The following CTNND2 variants were observed in gnomAD, a reference collection of about 807,000 sequenced individuals.
CTNND2 encodes catenin delta 2, also known as catenin delta-2.
CTNND2 carries 22 observed loss-of-function variants against 144.4 expected under a neutral mutation model. The ratio of observed to expected loss-of-function variants is 0.15; its 90% CI spans 0.11 to 0.22. The LOEUF (loss-of-function observed/expected upper bound fraction) is 0.22. Ranked by LOEUF, CTNND2 falls within the 10% of genes least tolerant of loss-of-function variation. The pLI, the probability that CTNND2 is intolerant of heterozygous loss-of-function variation, is 1.00. For synonymous variants in CTNND2, 751 were observed against 695.6 expected (o/e 1.08, Z -1.25); for missense variants, 1,353 against 1,618.8 (o/e 0.84, Z 2.82).
intron 1 of CTNND2, among the ~76,000 whole-genome samples, chr5:11,741,943 C>G (rs893168838): frequency 1.5e-4 from 23 of 151,420 alleles, no homozygotes; most frequent in African/African-American, 5.3e-4. Context: ...AGTGAAGTAA[C>G]TCAGGAATGG....
At chr5:11,134,202 G>C (rs1384302024) in intron 12 of CTNND2, among the ~76,000 whole-genome samples, 2 of 152,082 alleles carry the variant, frequency 1.3e-5, no homozygotes, top group Non-Finnish European at 2.9e-5. Context: ...AAGGAAGGGA[G>C]CAATGAGCCA....
rs1240710477 is a variant in CTNND2 at position 11,903,994 on chromosome 5, C to A, written c.-141G>T. The A allele has an allele frequency of 2.9e-6, 3 of 1,029,498 alleles. No homozygotes were observed. Among genetic ancestry groups the A allele is most frequent in the African/African-American group, 1.7e-5 (1 of 59,148 alleles). 63.8% of individuals were successfully genotyped at this position (1,029,498 alleles called of 1,614,324 possible). A position where few individuals can be genotyped will look rare whatever the true frequency, so the allele number is the denominator to read the frequency against. On this transcript the variant is annotated 5_prime_UTR_variant, in exon 1 of 22. Transcript: ENST00000304623. The surrounding 1 kb of genome is among the most constrained non-coding windows in gnomAD (Gnocchi z 5.4). The stretch of plus-strand genomic sequence containing the variant: ...GAGCGCGGCCGCGGGACAAGGGATG[C>A]TGGCGGGCGGCAGGGGCGAGCGCCG...
rs542117267 is a variant in CTNND2 at position 11,134,322 on chromosome 5, G to A, written c.2160-16755C>T. ...TCTGAATTTAGCCAGCAACCTGAAC[G>A]ATCCTGGATACAGGCTCTTCTGTGC... On this transcript the variant is annotated intron_variant, in intron 12 of 21. Coordinates refer to ENST00000304623, the MANE Select transcript of CTNND2 (RefSeq NM_001332.4). Among the ~76,000 whole-genome samples, 67 of 152,276 alleles carry A rather than the reference G, an allele frequency of 4.4e-4. 1 individual carries two copies. Among genetic ancestry groups the A allele is most frequent in the African/African-American group, 1.5e-3 (62 of 41,558 alleles).
intron 14 of CTNND2, among the ~76,000 whole-genome samples, chr5:11,101,306 G>T (rs185258226): frequency 9.9e-5 from 15 of 152,276 alleles, no homozygotes; most frequent in African/African-American, 3.4e-4. Flanking sequence ...GACGTATTCT[G>T]TAAGACTTGG....
At chr5:11,889,075 C>CT (rs1736774053) in intron 1 of CTNND2, among the ~76,000 whole-genome samples, 1 of 152,064 alleles carries the variant, frequency 6.6e-6, no homozygotes, top group South Asian at 2.1e-4. Flanking sequence ...AAATAGAAAC[C>CT]TTTTCACGGC....
At chr5:11,435,103 TTTTC>T (rs1415355508) in intron 3 of CTNND2, among the ~76,000 whole-genome samples, 1 of 149,460 alleles carries the variant, frequency 6.7e-6, no homozygotes, top group Non-Finnish European at 1.5e-5. Flanking sequence ...TTAGCAAACG[TTTTC>T]TTTTTTACTA....
At position 11,128,383 on chromosome 5, in the gene CTNND2, G is replaced by A. The variant is rs1338626450; in HGVS notation, c.2160-10816C>T. ...GCAGTAGCTTGGATTCTTCCCCAGA[G>A]CTGCTAGTAAGGAGAACGATCCCAC... On this transcript the variant is annotated intron_variant, in intron 12 of 21. Coordinates refer to ENST00000304623, the MANE Select transcript of CTNND2 (RefSeq NM_001332.4). Among the ~76,000 whole-genome samples the A allele has an allele frequency of 6.6e-5, 10 of 152,096 alleles. 1 individual carries two copies. Among genetic ancestry groups the A allele is most frequent in the Admixed American group, 5.9e-4 (9 of 15,256 alleles).
chr5:11,226,612 C>T (rs1412259948), intron 10 of CTNND2, among the ~76,000 whole-genome samples: 1 of 152,170 alleles, frequency 6.6e-6, no homozygotes, highest in Non-Finnish European at 1.5e-5. Context: ...GGGAAACTCC[C>T]CTTTATAAAA....
intron 9 of CTNND2, among the ~76,000 whole-genome samples, chr5:11,280,414 C>A (rs1320122123): frequency 6.6e-6 from 1 of 152,200 alleles, no homozygotes; most frequent in Non-Finnish European, 1.5e-5. Context: ...AGTCCACAGT[C>A]AAGGTTCCAG....
intron 2 of CTNND2, among the ~76,000 whole-genome samples, chr5:11,696,180 C>A (rs1216772080): frequency 6.6e-6 from 1 of 152,152 alleles, no homozygotes; most frequent in African/African-American, 2.4e-5. Context: ...CATGTTAGTG[C>A]CAAAGCAGTG....
chr5:11,359,473 TGGTGATG>T (rs1756226855), intron 8 of CTNND2, among the ~76,000 whole-genome samples: 1 of 152,188 alleles, frequency 6.6e-6, no homozygotes, highest in Non-Finnish European at 1.5e-5. Context: ...CTGTCATGTC[TGGTGATG>T]GGTACTCTCC....
chr5:11,178,270 CT>C (rs1760666147), intron 11 of CTNND2, among the ~76,000 whole-genome samples: 2 of 152,164 alleles, frequency 1.3e-5, no homozygotes, highest in African/African-American at 4.8e-5. Flanking sequence ...TGACCTAAGC[CT>C]TTTTCTCAGT....
chr5:11,412,721 C>T (rs942779286), intron 3 of CTNND2, among the ~76,000 whole-genome samples: 20 of 152,184 alleles, frequency 1.3e-4, no homozygotes, highest in African/African-American at 4.8e-4. Context: ...TTATTAAATA[C>T]AAAATACATA....
chr5:11,489,273 C>T (rs1449612896), intron 3 of CTNND2, among the ~76,000 whole-genome samples: 3 of 152,112 alleles, frequency 2.0e-5, no homozygotes, highest in Non-Finnish European at 4.4e-5. Context: ...TTTGGGTTTT[C>T]ATTTGCATTT....
intron 12 of CTNND2, among the ~76,000 whole-genome samples, chr5:11,129,226 ATATATAT>A (rs1163385284): frequency 3.0e-4 from 12 of 39,944 alleles, no homozygotes; most frequent in East Asian, 1.7e-3. Context: ...TTATATATAA[ATATATAT>A]TATATATTAT....
intron 16 of CTNND2, among the ~76,000 whole-genome samples, chr5:11,034,494 C>A (rs888929711): frequency 6.6e-6 from 1 of 152,214 alleles, no homozygotes; most frequent in Non-Finnish European, 1.5e-5. Context: ...TAGGCACACA[C>A]ATATATGCGC....
intron 3 of CTNND2, among the ~76,000 whole-genome samples, chr5:11,494,771 T>G (rs534455400): frequency 4.1e-4 from 62 of 152,330 alleles, no homozygotes; most frequent in Non-Finnish European, 6.8e-4. Flanking sequence ...TGGAGAAATG[T>G]TCCATGCTTT....
intron 6 of CTNND2, among the ~76,000 whole-genome samples, chr5:11,388,248 G>A (rs1759287602): frequency 6.6e-6 from 1 of 152,162 alleles, no homozygotes; most frequent in African/African-American, 2.4e-5. Context: ...TGCATAAGAA[G>A]CCATTATCAA....
chr5:11,022,391 T>C (rs955785447), intron 17 of CTNND2, among the ~76,000 whole-genome samples: 17 of 152,286 alleles, frequency 1.1e-4, no homozygotes, highest in African/African-American at 4.1e-4. Flanking sequence ...TGCTATGACT[T>C]GGTGGCTACT....
Sources: gnomAD v4.1 joint callset for allele counts (sites outside exome capture counted in the v4.1 genomes callset) on GRCh38, gnomAD v4.1.1 for gene constraint, Gnocchi (gnomAD v3.1) non-coding constraint, MANE v1.5 for transcripts, NCBI Gene and HGNC (gene_info 2026-07-23, HGNC 2026-07-21) for gene names.